PPP2R2B: variants seen among roughly 807,000 people sequenced by gnomAD.
PPP2R2B encodes serine/threonine-protein phosphatase 2A 55 kDa regulatory subunit B beta isoform.
PPP2R2B carries 5 observed loss-of-function variants against 46.0 expected under a neutral mutation model. The observed-to-expected ratio is 0.11, with a 90% CI of 0.06 to 0.23. The LOEUF is 0.23. PPP2R2B is among the 10% of genes least tolerant of loss of function. PPP2R2B has a pLI of 1.00. For missense variants in PPP2R2B, 367 were observed against 575.0 expected, an observed-to-expected ratio of 0.64 and a Z score of 3.70; for synonymous variants, 215 against 206.7, an observed-to-expected ratio of 1.04 and a Z score of -0.34.
At chr5:146,972,713 AAAAAACAAAAAC>A (rs1393440886) in intron 1 of PPP2R2B, among the ~76,000 whole-genome samples, 4 of 152,178 alleles carry the variant, frequency 2.6e-5, no homozygotes, top group African/African-American at 9.7e-5. Context: ...CTCCATCTCA[AAAAAACAAAAAC>A]AAAAACAAAA....
chr5:146,647,550 C>T (rs1048899844), intron 6 of PPP2R2B, among the ~76,000 whole-genome samples: 5 of 152,200 alleles, frequency 3.3e-5, no homozygotes, highest in Non-Finnish European at 5.9e-5. Context: ...GTGAATGGCA[C>T]GGTCTCATTT....
At chr5:146,839,377 G>A (rs1306810918) in intron 2 of PPP2R2B, among the ~76,000 whole-genome samples, 4 of 152,052 alleles carry the variant, frequency 2.6e-5, no homozygotes, top group Non-Finnish European at 5.9e-5. Context: ...AAAATTAGCC[G>A]GGCATGGTGG....
chr5:147,023,258 G>A (rs937881175), intron 1 of PPP2R2B, among the ~76,000 whole-genome samples: 5 of 151,934 alleles, frequency 3.3e-5, no homozygotes, highest in Admixed American at 6.6e-5. Context: ...CCACTAAAAC[G>A]AAAACCAAAA....
intron 2 of PPP2R2B, among the ~76,000 whole-genome samples, chr5:146,862,763 ATTT>A (rs3062348): frequency 6.2e-4 from 89 of 142,694 alleles, no homozygotes; most frequent in East Asian, 4.3e-3. Context: ...AGAAAAGTAA[ATTT>A]TTTTTTTTTT....
At chr5:146,719,662 A>G (rs1443033550) in intron 2 of PPP2R2B, among the ~76,000 whole-genome samples, 1 of 152,152 alleles carries the variant, frequency 6.6e-6, no homozygotes, top group Non-Finnish European at 1.5e-5. Context: ...ACAGCTCCAC[A>G]TCATGGGACC....
At chr5:146,905,372 T>C (rs1762963550) in intron 1 of PPP2R2B, among the ~76,000 whole-genome samples, 1 of 152,212 alleles carries the variant, frequency 6.6e-6, no homozygotes, top group African/African-American at 2.4e-5. Flanking sequence ...CATTTGTACT[T>C]GAATGTTCTT....
chr5:146,660,207 C>T (rs1776589636), intron 5 of PPP2R2B, among the ~76,000 whole-genome samples: 1 of 152,126 alleles, frequency 6.6e-6, no homozygotes, highest in Non-Finnish European at 1.5e-5. Context: ...GTGTAACAAA[C>T]CAAATAGAGT....
chr5:147,038,621 A>G (rs1561592448), intron 1 of PPP2R2B, among the ~76,000 whole-genome samples: 1 of 152,202 alleles, frequency 6.6e-6, no homozygotes, highest in Non-Finnish European at 1.5e-5. Context: ...GGAACGAATT[A>G]TAATAGCCAA....
intron 2 of PPP2R2B, among the ~76,000 whole-genome samples, chr5:146,724,494 G>C (rs1323533263): frequency 6.6e-6 from 1 of 152,102 alleles, no homozygotes; most frequent in African/African-American, 2.4e-5. Flanking sequence ...TGAACACATG[G>C]TAGCTATTCT....
At position 146,585,685 on chromosome 5, in the gene PPP2R2B, G is replaced by T. The variant is rs1038991796; in HGVS notation, c.*4262C>A. The T allele has an allele frequency of 2.0e-5, 3 of 152,196 alleles. No homozygotes were observed. Among genetic ancestry groups the T allele is most frequent in the Non-Finnish European group, 4.4e-5 (3 of 68,040 alleles). 9.4% of individuals were successfully genotyped at this position (152,196 alleles called of 1,614,324 possible). A position where few individuals can be genotyped will look rare whatever the true frequency, so the allele number is the denominator to read the frequency against. ...AAAATGGAAATACTAATGCCACCAT[G>T]GGGTCTGGGAGAGGAGATAATGAGA... On this transcript the variant is annotated 3_prime_UTR_variant, in exon 10 of 10. Coordinates refer to ENST00000394411, the MANE Select transcript of PPP2R2B (RefSeq NM_181675.4).
At chr5:146,631,490 C>T (rs959608108) in intron 7 of PPP2R2B, among the ~76,000 whole-genome samples, 16 of 152,174 alleles carry the variant, frequency 1.1e-4, no homozygotes, top group Non-Finnish European at 2.1e-4. Context: ...AGGTCTTTGG[C>T]AAGTCAAGTC....
chr5:146,987,595 C>A (rs1304728752), intron 1 of PPP2R2B, among the ~76,000 whole-genome samples: 1 of 151,480 alleles, frequency 6.6e-6, no homozygotes, highest in Non-Finnish European at 1.5e-5. Flanking sequence ...TTTTTTTAAG[C>A]CTCATGGTGA....
intron 5 of PPP2R2B, among the ~76,000 whole-genome samples, chr5:146,682,407 A>G (rs1028619965): frequency 1.3e-5 from 2 of 152,234 alleles, no homozygotes; most frequent in Admixed American, 6.5e-5. Context: ...TGATGGCAAG[A>G]TATTATGCTA....
In PPP2R2B at chr5:146,587,357, T is replaced by C. The variant is rs547042303; in HGVS notation, c.*2590A>G. 2.3e-4 allele frequency: 35 copies of C among 152,360 alleles called. No individual in the cohort carries two copies. Among genetic ancestry groups the C allele is most frequent in the African/African-American group, 7.9e-4 (33 of 41,562 alleles). 9.4% of individuals were successfully genotyped at this position (152,360 alleles called of 1,614,324 possible). On this transcript the variant is annotated 3_prime_UTR_variant, in exon 10 of 10. Transcript: ENST00000394411. ...AGTCTTGGGTGTTTGCTCTAATGCA[T>C]CCTTTGCAGGGGATGGAGGAGAGGA...
intron 1 of PPP2R2B, among the ~76,000 whole-genome samples, chr5:146,956,115 T>C (rs901093551): frequency 6.6e-6 from 1 of 152,034 alleles, no homozygotes; most frequent in Admixed American, 6.6e-5. Context: ...AAAATAGTTA[T>C]GAAGGGATAT....
intron 7 of PPP2R2B, among the ~76,000 whole-genome samples, chr5:146,638,034 AG>A (rs57183678): frequency 0.017 from 2,544 of 149,564 alleles, 66 homozygotes; most frequent in African/African-American, 0.062. Flanking sequence ...TTTTCTGATG[AG>A]GGTCATGTCT....
intron 1 of PPP2R2B, among the ~76,000 whole-genome samples, chr5:147,036,980 C>T (rs181389041): frequency 5.9e-5 from 9 of 152,214 alleles, no homozygotes; most frequent in Non-Finnish European, 8.8e-5. Flanking sequence ...TTTAATTCCA[C>T]GTTAATCCTA....
chr5:146,949,075 T>C (rs961336414), intron 1 of PPP2R2B, among the ~76,000 whole-genome samples: 1 of 152,054 alleles, frequency 6.6e-6, no homozygotes, highest in African/African-American at 2.4e-5. Flanking sequence ...CCTGAATAGG[T>C]CAAGGAATGC....
At chr5:146,675,011 G>A (rs1777613623) in intron 5 of PPP2R2B, among the ~76,000 whole-genome samples, 1 of 152,120 alleles carries the variant, frequency 6.6e-6, no homozygotes, top group Non-Finnish European at 1.5e-5. Context: ...TTGCCAGGCT[G>A]GAGTTCAGTG....
Sources: allele counts gnomAD v4.1 joint callset (sites outside exome capture counted in the v4.1 genomes callset), GRCh38; gene constraint gnomAD v4.1.1; transcripts MANE v1.5; gene names NCBI Gene and HGNC (gene_info 2026-07-23, HGNC 2026-07-21).